CSMD1: variants seen among roughly 807,000 people sequenced by gnomAD.
CSMD1 encodes CUB and sushi domain-containing protein 1.
Under a neutral mutation model 417.5 loss-of-function variants are expected in CSMD1, and 213 were observed. The observed-to-expected ratio is 0.51, with a 90% CI of 0.46 to 0.57. The LOEUF (loss-of-function observed/expected upper bound fraction) is 0.57. Ranked by LOEUF, CSMD1 falls within the 20% of genes least tolerant of loss-of-function variation. The probability of loss-of-function intolerance (pLI) is 0.00; values close to 1 mark genes in which losing one functional copy is unlikely to be tolerated. For missense variants in CSMD1, 6,923 were observed against 4,529.7 expected (o/e 1.53, Z -15.17); for synonymous variants, 2,862 against 1,736.8 (o/e 1.65, Z -16.11).
intron 32 of CSMD1, among the ~76,000 whole-genome samples, chr8:3,201,278 C>G (rs756297563): frequency 6.6e-6 from 1 of 151,966 alleles, no homozygotes; most frequent in Non-Finnish European, 1.5e-5. Context: ...GTTTTTATCT[C>G]CAGAAGGAAG....
intron 3 of CSMD1, among the ~76,000 whole-genome samples, chr8:4,223,371 A>T (rs1230076013): frequency 1.3e-5 from 2 of 152,256 alleles, no homozygotes; most frequent in African/African-American, 4.8e-5. Flanking sequence ...TAGTCCATCC[A>T]TCAAGTAAAT....
intron 57 of CSMD1, among the ~76,000 whole-genome samples, chr8:2,968,744 G>C (rs780205267): frequency 4.0e-5 from 6 of 151,746 alleles, no homozygotes; most frequent in Admixed American, 1.3e-4. Context: ...ATTTAGAGGA[G>C]AAAAAAGAAC....
intron 26 of CSMD1, among the ~76,000 whole-genome samples, chr8:3,249,700 GAA>G (rs1464016001): frequency 6.6e-6 from 1 of 152,080 alleles, no homozygotes; most frequent in Non-Finnish European, 1.5e-5. Flanking sequence ...GAGTGAAAAA[GAA>G]ATAATAGACA....
intron 2 of CSMD1, among the ~76,000 whole-genome samples, chr8:4,480,029 C>G (rs77533505): frequency 0.015 from 2,315 of 151,392 alleles, 53 homozygotes; most frequent in African/African-American, 0.05. Flanking sequence ...ACATACTTAT[C>G]CTATCATTCT....
intron 1 of CSMD1, among the ~76,000 whole-genome samples, chr8:4,647,436 G>A (rs1263032325): frequency 6.7e-5 from 10 of 148,500 alleles, no homozygotes; most frequent in Non-Finnish European, 1.3e-4. Context: ...GGCCTGCTAC[G>A]TAGGTATGCG....
intron 3 of CSMD1, among the ~76,000 whole-genome samples, chr8:4,250,733 G>T (rs1316368782): frequency 6.6e-6 from 1 of 152,082 alleles, no homozygotes; most frequent in African/African-American, 2.4e-5. Context: ...TCTAAAGAAA[G>T]TTTGCAAAGA....
chr8:4,649,750 A>T (rs543241155), intron 1 of CSMD1, among the ~76,000 whole-genome samples: 1 of 152,362 alleles, frequency 6.6e-6, no homozygotes, highest in Non-Finnish European at 1.5e-5. Context: ...CTTTGTCTCT[A>T]TTTGTGTAGG....
intron 3 of CSMD1, among the ~76,000 whole-genome samples, chr8:4,162,835 T>C (rs566157576): frequency 2.0e-5 from 3 of 152,198 alleles, no homozygotes; most frequent in African/African-American, 7.2e-5. Flanking sequence ...TAATGCTATG[T>C]GTTCACCATT....
intron 26 of CSMD1, among the ~76,000 whole-genome samples, chr8:3,268,198 G>C (rs1219552647): frequency 1.3e-5 from 2 of 151,326 alleles, no homozygotes; most frequent in Admixed American, 1.3e-4. Flanking sequence ...TAAGTTTGTT[G>C]CTTCAGAATG....
chr8:4,455,873 G>C (rs1425654314), intron 2 of CSMD1, among the ~76,000 whole-genome samples: 1 of 119,340 alleles, frequency 8.4e-6, no homozygotes, highest in Non-Finnish European at 1.6e-5. Context: ...AGGTTGCAGT[G>C]AGCCAAGATC....
chr8:4,553,705 A>G (rs1165191165), intron 2 of CSMD1, among the ~76,000 whole-genome samples: 2 of 152,200 alleles, frequency 1.3e-5, no homozygotes, highest in Non-Finnish European at 2.9e-5. Context: ...TTCTAGAGTG[A>G]CGTTAATTGT....
At chr8:3,145,128 T>C (rs1192701195) in intron 40 of CSMD1, among the ~76,000 whole-genome samples, 1 of 152,146 alleles carries the variant, frequency 6.6e-6, no homozygotes, top group African/African-American at 2.4e-5. Flanking sequence ...TGAATCCATG[T>C]GCTCCACAGA....
At chr8:3,286,535 G>T (rs1803172483) in intron 25 of CSMD1, among the ~76,000 whole-genome samples, 1 of 152,068 alleles carries the variant, frequency 6.6e-6, no homozygotes, top group Non-Finnish European at 1.5e-5. Flanking sequence ...GGTGTGAGAT[G>T]GTATCTCATT....
At chr8:4,580,815 T>G (rs1269557459) in intron 2 of CSMD1, among the ~76,000 whole-genome samples, 1 of 152,248 alleles carries the variant, frequency 6.6e-6, no homozygotes, top group African/African-American at 2.4e-5. Flanking sequence ...TCTTAAAAAG[T>G]TGTATCTTGT....
intron 30 of CSMD1, among the ~76,000 whole-genome samples, chr8:3,212,533 T>G (rs1797671081): frequency 6.6e-6 from 1 of 152,012 alleles, no homozygotes; most frequent in Admixed American, 6.6e-5. Context: ...ATTGTGTTTT[T>G]GGTAGAGATG....
chr8:3,294,536 C>T (rs1449341475), intron 25 of CSMD1, among the ~76,000 whole-genome samples: 1 of 148,578 alleles, frequency 6.7e-6, no homozygotes, highest in African/African-American at 2.4e-5. Context: ...CGCCCCTCCC[C>T]CAGCCTCGCT....
intron 12 of CSMD1, among the ~76,000 whole-genome samples, chr8:3,424,905 A>T (rs1813727154): frequency 6.6e-6 from 1 of 152,142 alleles, no homozygotes; most frequent in Non-Finnish European, 1.5e-5. Flanking sequence ...ATCATGGCTG[A>T]CTCACTATGA....
intron 3 of CSMD1, among the ~76,000 whole-genome samples, chr8:4,391,445 C>G (rs938775792): frequency 2.6e-5 from 4 of 152,098 alleles, no homozygotes; most frequent in African/African-American, 9.7e-5. Flanking sequence ...GGAACATAAA[C>G]AGCTAATTAT....
chr8:3,200,654 G>A (rs1309616674), intron 32 of CSMD1, among the ~76,000 whole-genome samples: 3 of 151,900 alleles, frequency 2.0e-5, no homozygotes, highest in Admixed American at 1.3e-4. Flanking sequence ...AGTGGTGGGA[G>A]GTGTGTGAAT....
Sources: gnomAD v4.1 joint callset for allele counts (sites outside exome capture counted in the v4.1 genomes callset) on GRCh38, gnomAD v4.1.1 for gene constraint, MANE v1.5 for transcripts, NCBI Gene and HGNC (gene_info 2026-07-23, HGNC 2026-07-21) for gene names.